The following IFNG-AS1 variants were observed in gnomAD, a reference collection of about 807,000 sequenced individuals.
IFNG-AS1 encodes the protein IFNG regulatory antisense RNA 1, also known as IFNG antisense RNA 1 (non-protein coding).
intron 3 of IFNG-AS1, among the ~76,000 whole-genome samples, chr12:68,008,190 G>A (rs1477729370): frequency 6.6e-6 from 1 of 152,148 alleles, no homozygotes; most frequent in Non-Finnish European, 1.5e-5. Flanking sequence ...GCCGAGGCAG[G>A]CGGATCATGA....
intron 3 of IFNG-AS1, among the ~76,000 whole-genome samples, chr12:68,014,926 T>C (rs1223203473): frequency 6.6e-6 from 1 of 152,148 alleles, no homozygotes; most frequent in Non-Finnish European, 1.5e-5. Context: ...TTGTAATTCT[T>C]GGTGAAAAGA....
chr12:68,016,966 G>A (rs1021317517), intron 3 of IFNG-AS1, among the ~76,000 whole-genome samples: 4 of 152,188 alleles, frequency 2.6e-5, no homozygotes, highest in South Asian at 2.1e-4. Context: ...TTGTGTTGGG[G>A]ACATGGATCT....
At chr12:68,004,414 C>A (rs1016273462) in intron 2 of IFNG-AS1, among the ~76,000 whole-genome samples, 1 of 152,158 alleles carries the variant, frequency 6.6e-6, no homozygotes, top group Admixed American at 6.6e-5. Flanking sequence ...CTTCCCAATG[C>A]TGGATCTTCC....
At chr12:68,003,742 G>A (rs556187334) in intron 2 of IFNG-AS1, among the ~76,000 whole-genome samples, 56 of 151,932 alleles carry the variant, frequency 3.7e-4, no homozygotes, top group Admixed American at 8.5e-4. Context: ...GCAAAACCCC[G>A]TCTCTACTAA....
chr12:67,993,670 T>C (rs1252593885), intron 1 of IFNG-AS1, among the ~76,000 whole-genome samples: 1 of 152,214 alleles, frequency 6.6e-6, no homozygotes, highest in Non-Finnish European at 1.5e-5. Flanking sequence ...ATTATTTTTA[T>C]GACCTAAAAT....
At chr12:68,017,822 T>A (rs1270805612) in intron 3 of IFNG-AS1, among the ~76,000 whole-genome samples, 3 of 152,170 alleles carry the variant, frequency 2.0e-5, no homozygotes, top group African/African-American at 7.2e-5. Flanking sequence ...TCAAACCTAG[T>A]CATGAACTGG....
chr12:67,998,437 CA>C (rs544611785), intron 2 of IFNG-AS1, among the ~76,000 whole-genome samples: 39 of 129,026 alleles, frequency 3.0e-4, no homozygotes, highest in Admixed American at 3.2e-4. Context: ...AAAGAGAGAC[CA>C]AAAAAAAAAG....
chr12:67,990,657 G>A (rs1241577420), intron 1 of IFNG-AS1, among the ~76,000 whole-genome samples: 1 of 151,580 alleles, frequency 6.6e-6, no homozygotes, highest in Admixed American at 6.6e-5. Context: ...GCAGTGGCGC[G>A]ATCTCAGCTC....
intron 2 of IFNG-AS1, among the ~76,000 whole-genome samples, chr12:68,003,347 G>A (rs1454704289): frequency 2.6e-5 from 4 of 151,808 alleles, no homozygotes; most frequent in African/African-American, 4.8e-5. Flanking sequence ...ATGGAGTTGA[G>A]TGAGTCCCAG....
At chr12:68,001,056 C>T (rs1723380080) in intron 2 of IFNG-AS1, among the ~76,000 whole-genome samples, 1 of 152,196 alleles carries the variant, frequency 6.6e-6, no homozygotes, top group Non-Finnish European at 1.5e-5. Context: ...AGTTACCTCA[C>T]ACTCCTAGTG....
At chr12:68,016,611 G>T (rs1880162211) in intron 3 of IFNG-AS1, among the ~76,000 whole-genome samples, 1 of 152,146 alleles carries the variant, frequency 6.6e-6, no homozygotes, top group African/African-American at 2.4e-5. Context: ...CAGGTGCCAG[G>T]TTCAGAGTCT....
chr12:68,004,687 C>A (rs543997446), intron 2 of IFNG-AS1, among the ~76,000 whole-genome samples: 5 of 152,288 alleles, frequency 3.3e-5, no homozygotes, highest in Middle Eastern at 6.8e-3. Context: ...AACACCAATA[C>A]GTCTGCTTGT....
chr12:67,991,383 G>A (rs989913329), intron 1 of IFNG-AS1, among the ~76,000 whole-genome samples: 1 of 152,168 alleles, frequency 6.6e-6, no homozygotes, highest in African/African-American at 2.4e-5. Context: ...GGTGTGGCTG[G>A]CTCTAGAAAA....
intron 1 of IFNG-AS1, among the ~76,000 whole-genome samples, chr12:67,993,402 A>G (rs959961574): frequency 6.6e-6 from 1 of 152,222 alleles, no homozygotes. Context: ...AACCATTTAT[A>G]AAAGGTCATT....
intron 1 of IFNG-AS1, among the ~76,000 whole-genome samples, chr12:67,991,606 C>T (rs1243529301): frequency 6.6e-6 from 1 of 152,196 alleles, no homozygotes; most frequent in Non-Finnish European, 1.5e-5. Context: ...ATCCAATGGG[C>T]AAAGCATCTT....
At chr12:68,003,403 T>C (rs1314922688) in intron 2 of IFNG-AS1, among the ~76,000 whole-genome samples, 6 of 150,732 alleles carry the variant, frequency 4.0e-5, no homozygotes, top group Middle Eastern at 3.2e-3. Flanking sequence ...TCATAGTTCA[T>C]AGAAGCTAAT....
intron 3 of IFNG-AS1, among the ~76,000 whole-genome samples, chr12:68,019,359 G>T (rs910235187): frequency 3.9e-5 from 6 of 152,146 alleles, no homozygotes; most frequent in African/African-American, 1.2e-4. Context: ...TATAGTGAAG[G>T]AATCTGAGGC....
At chr12:67,990,628 C>G (rs900051545) in intron 1 of IFNG-AS1, among the ~76,000 whole-genome samples, 2 of 151,600 alleles carry the variant, frequency 1.3e-5, no homozygotes, top group Non-Finnish European at 2.9e-5. Context: ...GAGTCTCGCA[C>G]TGTCGACCGG....
At chr12:68,001,656 A>G (rs2120436433) in intron 2 of IFNG-AS1, 1 of 152,542 alleles carries the variant, frequency 6.6e-6, no homozygotes, top group Non-Finnish European at 1.5e-5. Flanking sequence ...AAAGAAAAAT[A>G]TAGGAGGTCA....
Sources: allele counts gnomAD v4.1 joint callset (sites outside exome capture counted in the v4.1 genomes callset), GRCh38; gene constraint gnomAD v4.1.1; transcripts MANE v1.5; gene names NCBI Gene and HGNC (gene_info 2026-07-23, HGNC 2026-07-21).